Variants in REPIN1 observed in about 807,000 individuals in gnomAD.
The protein encoded by REPIN1 is replication initiator 1.
REPIN1 carries 4 observed loss-of-function variants against 5.7 expected under a neutral mutation model. That is an observed-to-expected ratio of 0.71 (90% CI 0.35 to 1.62). The LOEUF is 1.62. Ranked by LOEUF, REPIN1 falls within the 40% of genes most tolerant of loss-of-function variation. The probability of loss-of-function intolerance (pLI) is 0.05; values close to 1 mark genes in which losing one functional copy is unlikely to be tolerated. For missense variants in REPIN1, 854 were observed against 901.0 expected (o/e 0.95, Z 0.67); for synonymous variants, 410 against 386.2 (o/e 1.06, Z -0.72).
At chr7:150,369,220 CCCGCGGCCAG>C (rs1360567863) in intron 1 of REPIN1, among the ~76,000 whole-genome samples, 1 of 152,244 alleles carries the variant, frequency 6.6e-6, no homozygotes, top group African/African-American at 2.4e-5. Context: ...GCTTCTGCCA[CCCGCGGCCAG>C]CCGCGATGCG....
chr7:150,369,901 A>G (rs1289612941), intron 2 of REPIN1, 33 bp downstream of exon 2: 2 of 1,553,816 alleles, frequency 1.3e-6, no homozygotes, highest in Non-Finnish European at 1.7e-6. Context: ...CTCCCAAACC[A>G]CGCCACAACA....
intron 2 of REPIN1, chr7:150,370,939 G>A: frequency 2.9e-6 from 2 of 681,182 alleles, no homozygotes; most frequent in Non-Finnish European, 5.4e-6. Context: ...TTTACTCCCT[G>A]TCTGACACTG....
In REPIN1 at chr7:150,368,853, C is replaced by CGGCGG. The variant is rs1799120094; in HGVS notation, c.-122_-118dup. On this transcript the variant is annotated 5_prime_UTR_variant, in exon 1 of 3. Coordinates refer to ENST00000489432, the MANE Select transcript of REPIN1 (RefSeq NM_001099695.2). ...GAACTCGAACCTGCCGCTGTCGCCG[C>CGGCGG]GGCGGGGCGGGGAGCGAGAGTGGGC... 3.2e-6 allele frequency: 1 copy of CGGCGG among 312,690 alleles called. No homozygotes were observed. The highest frequency in any genetic ancestry group is 5.0e-5 in the Admixed American group (1 of 20,092). 19.4% of individuals were successfully genotyped at this position (312,690 alleles called of 1,614,324 possible).
chr7:150,369,915 G>C (rs1307665366), intron 2 of REPIN1, 47 bp downstream of exon 2: 1 of 1,532,356 alleles, frequency 6.5e-7, no homozygotes, highest in Non-Finnish European at 8.8e-7. Context: ...CACAACAGGG[G>C]TGCACGGGCG....
chr7:150,371,330 C>A lies in REPIN1; in HGVS notation c.260C>A (p.Thr87Asn). The change falls in exon 3 of 3, where the codon ACC becomes AAC. Residue 87 changes from threonine (T) to asparagine (N), a missense_variant. Coordinates refer to ENST00000489432, the MANE Select transcript of REPIN1 (RefSeq NM_001099695.2). Reference protein sequence around the residue: ...LSGPSQESPQTLGKESRGLRQ... With the variant: ...LSGPSQESPQNLGKESRGLRQ... ...GGGCCCTCCCAGGAGTCACCCCAGA[C>A]CCTGGGGAAGGAGTCCCGCGGGCTG... The A allele has an allele frequency of 6.3e-7, 1 of 1,585,358 alleles. No individual in the cohort carries two copies. The highest frequency in any genetic ancestry group is 1.1e-5 in the South Asian group (1 of 87,608).
rs1408708774 is a variant in REPIN1, at chr7:150,371,315, A to G, written c.245A>G (p.Gln82Arg). The G allele has an allele frequency of 1.9e-6, 3 of 1,586,372 alleles. No individual in the cohort carries two copies. Among genetic ancestry groups the G allele is most frequent in the Non-Finnish European group, 2.6e-6 (3 of 1,167,336 alleles). Residue 82 changes from glutamine (Q) to arginine (R), a missense_variant, in exon 3 of 3, where the codon CAG becomes CGG. Coordinates refer to ENST00000489432, the MANE Select transcript of REPIN1 (RefSeq NM_001099695.2). ...CCCCGACTCCTTTCTGGGCCCTCCC[A>G]GGAGTCACCCCAGACCCTGGGGAAG... Reference protein sequence around the residue: ...AQPRLLSGPSQESPQTLGKES... With the variant: ...AQPRLLSGPSRESPQTLGKES...
chr7:150,369,647 C>G (rs760274487), intron 1 of REPIN1, 24 bp from the exon 2 acceptor site: 1 of 1,608,546 alleles, frequency 6.2e-7, no homozygotes, highest in South Asian at 1.1e-5. Context: ...AGCCTCACTT[C>G]TGTTTTCTCT....
rs1181595883 is a variant in REPIN1, at chr7:150,372,998, G to T, written c.*53G>T. On this transcript the variant is annotated 3_prime_UTR_variant, in exon 3 of 3. Transcript: ENST00000489432. The stretch of plus-strand genomic sequence containing the variant: ...GAGAGGGCTGGGGTCCTTCGTGGTG[G>T]GAGTCGCAGTGGGCTGGGGGTGCCT... 7 of 1,571,548 alleles carry T rather than the reference G, an allele frequency of 4.5e-6. No homozygotes were observed. The highest frequency in any genetic ancestry group is 1.7e-4 in the Middle Eastern group (1 of 5,876).
At position 150,372,941 on chromosome 7, in the gene REPIN1, T is replaced by C. The variant is rs376050008; in HGVS notation, c.1871T>C (p.Val624Ala). 23 of 1,611,136 alleles carry C rather than the reference T, an allele frequency of 1.4e-5. No homozygotes were observed. In the African/African-American group the frequency reaches 3.1e-4, roughly 22 times the overall value. ...CTGGCCCACCAGAAGAAGCACGATG[T>C]CTGAGACGGTGGGCGGGGCCGTGTT... ...RLLAHQKKHD[V>A] Residue 624 changes from valine (V) to alanine (A), a missense_variant, in exon 3 of 3, where the codon GTC becomes GCC. Around this residue, in one of 5 missense-constraint regions of REPIN1, gnomAD observed 101 missense variants for 124.7 expected, o/e 0.81. Transcript: ENST00000489432.
intron 1 of REPIN1, chr7:150,369,167 G>A (rs771607113): frequency 3.6e-5 from 13 of 356,452 alleles, no homozygotes; most frequent in Non-Finnish European, 5.5e-5. Flanking sequence ...GTGCCCGGGA[G>A]CGTGGACGGA....
Position 150,372,120 on chromosome 7 carries a change from G to A in REPIN1, c.1050G>A (p.Pro350=), listed in dbSNP as rs752064112. Residue 350 remains proline (P), a synonymous_variant, in exon 3 of 3, where the codon CCG becomes CCA. Transcript: ENST00000489432. The stretch of plus-strand genomic sequence containing the variant: ...TCCACACCGGCGAGAAGCCCTACCC[G>A]TGCAAAGAGTGCGGCCGCCGCTTCC... ...RRIHTGEKPY[P]CKECGRRFRH... is the part of the protein sequence containing the mutation. 3.7e-5 allele frequency: 60 copies of A among 1,609,920 alleles called. No individual in the cohort carries two copies. The highest frequency in any genetic ancestry group is 4.8e-5 in the Non-Finnish European group (56 of 1,178,704).
intron 2 of REPIN1, chr7:150,370,117 C>T (rs987175940): frequency 1.1e-5 from 5 of 446,014 alleles, no homozygotes; most frequent in African/African-American, 7.7e-5. Context: ...TGCTTCCTTC[C>T]TCCTTCCGCG....
chr7:150,372,646 C>T lies in REPIN1; in HGVS notation c.1576C>T (p.Arg526Cys). ...FVCPDCGKAF[R>C]HKPYLAAHRR... Reference sequence around the variant, plus strand: ...GTGTCCCGACTGCGGCAAGGCCTTCCGCCACAAACCCTACCTGGCGGCGCA... The same window carrying T: ...GTGTCCCGACTGCGGCAAGGCCTTCTGCCACAAACCCTACCTGGCGGCGCA... The change falls in exon 3 of 3, where the codon CGC (arginine) becomes TGC (cysteine). Residue 526 changes from arginine (R) to cysteine (C), a missense_variant. This residue lies in a region of REPIN1 where 327 missense variants were observed against 307.8 expected (regional missense o/e 1.06). Coordinates refer to ENST00000489432, the MANE Select transcript of REPIN1 (RefSeq NM_001099695.2). 1 of 1,611,014 alleles carries T rather than the reference C, an allele frequency of 6.2e-7. No individual in the cohort carries two copies. Among genetic ancestry groups the T allele is most frequent in the Non-Finnish European group, 8.5e-7 (1 of 1,179,570 alleles).
rs779709796 is a variant in REPIN1, at chr7:150,372,195, G to C, written c.1125G>C (p.Glu375Asp). ...ACAGCAAGATTCACAAGCGATCCGA[G>C]GGGTCGGCCCAGGCCGCCCCCGGCC... Reference protein sequence around the residue: ...LSHSKIHKRSEGSAQAAPGPG... With the variant: ...LSHSKIHKRSDGSAQAAPGPG... Residue 375 changes from glutamate to aspartate, a missense_variant, in exon 3 of 3, where the codon GAG becomes GAC. By Grantham distance (45) the Glu-to-Asp change is conservative. This residue lies in a region of REPIN1 where 327 missense variants were observed against 307.8 expected (regional missense o/e 1.06). Transcript: ENST00000489432. The C allele has an allele frequency of 7.5e-6, 12 of 1,602,218 alleles. No homozygotes were observed. Among genetic ancestry groups the C allele is most frequent in the Non-Finnish European group, 1.0e-5 (12 of 1,176,728 alleles).
rs1159340452 is a variant in REPIN1 at position 150,372,995 on chromosome 7, G to A, written c.*50G>A. 6.4e-7 allele frequency: 1 copy of A among 1,574,228 alleles called. No individual in the cohort carries two copies. Among genetic ancestry groups the A allele is most frequent in the East Asian group, 2.2e-5 (1 of 44,566 alleles). The stretch of plus-strand genomic sequence containing the variant: ...TGAGAGAGGGCTGGGGTCCTTCGTG[G>A]TGGGAGTCGCAGTGGGCTGGGGGTG... On this transcript the variant is annotated 3_prime_UTR_variant, in exon 3 of 3. Transcript: ENST00000489432.
chr7:150,370,633 G>A (rs1337519015), intron 2 of REPIN1: 1 of 668,546 alleles, frequency 1.5e-6, no homozygotes, highest in Non-Finnish European at 2.7e-6. Flanking sequence ...CGCTTTAGAG[G>A]AAAGAACACT....
rs1316688949 is a variant in REPIN1, at chr7:150,372,193, G to A, written c.1123G>A (p.Glu375Lys). 1 of 1,602,390 alleles carries A rather than the reference G, an allele frequency of 6.2e-7. No homozygotes were observed. The highest frequency in any genetic ancestry group is 8.5e-7 in the Non-Finnish European group (1 of 1,176,764). The stretch of plus-strand genomic sequence containing the variant: ...TCACAGCAAGATTCACAAGCGATCC[G>A]AGGGGTCGGCCCAGGCCGCCCCCGG... ...LSHSKIHKRS[E>K]GSAQAAPGPG... Residue 375 changes from glutamate to lysine, a missense_variant, in exon 3 of 3, where the codon GAG becomes AAG. Transcript: ENST00000489432.
Position 150,372,576 on chromosome 7 carries a change from T to G in REPIN1, c.1506T>G (p.His502Gln). 6.3e-7 allele frequency: 1 copy of G among 1,599,900 alleles called. No individual in the cohort carries two copies. Among genetic ancestry groups the G allele is most frequent in the Non-Finnish European group, 8.5e-7 (1 of 1,176,126 alleles). ...ECGRRFSQGSHLAAHRRDHAP... is the reference protein window; with the variant it reads ...ECGRRFSQGSQLAAHRRDHAP... ...GCCGCCGCTTCTCCCAGGGCAGCCA[T>G]CTGGCGGCGCATCGGCGCGACCACG... The change falls in exon 3 of 3, where the codon CAT (histidine) becomes CAG (glutamine). Residue 502 changes from histidine to glutamine, a missense_variant. His to Gln is a conservative substitution (Grantham distance 24, BLOSUM62 0). Around this residue, in one of 5 missense-constraint regions of REPIN1, gnomAD observed 327 missense variants for 307.8 expected, o/e 1.06. Transcript: ENST00000489432.
chr7:150,370,705 C>T (rs1430888044), intron 2 of REPIN1: 5 of 702,136 alleles, frequency 7.1e-6, no homozygotes, highest in Non-Finnish European at 1.3e-5. Context: ...ACTGTGTCAC[C>T]TTGGGCAGGT....
Sources: gnomAD v4.1 joint callset for allele counts (sites outside exome capture counted in the v4.1 genomes callset) on GRCh38, gnomAD v4.1.1 for gene constraint, gnomAD v4.1.1 regional missense constraint, MANE v1.5 for transcripts, NCBI Gene and HGNC (gene_info 2026-07-23, HGNC 2026-07-21) for gene names.